MGAT5: variants seen among roughly 807,000 people sequenced by gnomAD.
The protein encoded by MGAT5 is alpha-1,6-mannosylglycoprotein 6-beta-N-acetylglucosaminyltransferase, also known as alpha-1,6-mannosylglycoprotein 6-beta-N-acetylglucosaminyltransferase A.
A neutral mutation model predicts 94.3 loss-of-function variants in MGAT5; 30 were observed. The ratio of observed to expected loss-of-function variants is 0.32; its 90% CI spans 0.24 to 0.43. MGAT5 has a LOEUF of 0.43. Ranked by LOEUF, MGAT5 falls within the 20% of genes least tolerant of loss-of-function variation. The pLI, the probability that MGAT5 is intolerant of heterozygous loss-of-function variation, is 1.00. For synonymous variants in MGAT5, 310 were observed against 322.9 expected (o/e 0.96, Z 0.43); for missense variants, 691 against 905.5 (o/e 0.76, Z 3.04).
intron 1 of MGAT5, among the ~76,000 whole-genome samples, chr2:134,222,900 G>C (rs1680861932): frequency 6.6e-6 from 1 of 152,046 alleles, no homozygotes; most frequent in Non-Finnish European, 1.5e-5. Flanking sequence ...ACTTTTTTGT[G>C]TTAAGCTACT....
intron 1 of MGAT5, among the ~76,000 whole-genome samples, chr2:134,219,998 T>C (rs540065985): frequency 2.0e-5 from 3 of 152,302 alleles, no homozygotes; most frequent in Admixed American, 1.3e-4. Context: ...GCATAAATAC[T>C]AATATTAGCA....
intron 1 of MGAT5, among the ~76,000 whole-genome samples, chr2:134,170,937 T>C (rs142499076): frequency 3.0e-4 from 46 of 152,066 alleles, no homozygotes; most frequent in African/African-American, 1.1e-3. Flanking sequence ...CGGCTCACTG[T>C]AACCTCTGCC....
At chr2:134,294,209 T>G (rs2105789088) in intron 2 of MGAT5, among the ~76,000 whole-genome samples, 1 of 152,336 alleles carries the variant, frequency 6.6e-6, no homozygotes, top group South Asian at 2.1e-4. Context: ...GCATCCATTG[T>G]TCTCTGCGGT....
intron 10 of MGAT5, among the ~76,000 whole-genome samples, chr2:134,402,476 T>C (rs62170198): frequency 0.47 from 71,504 of 152,018 alleles, 17,876 homozygotes; most frequent in South Asian, 0.72. Flanking sequence ...TCTGACAACA[T>C]GAGTTAATCA....
intron 9 of MGAT5, among the ~76,000 whole-genome samples, chr2:134,351,520 T>G (rs1225377559): frequency 6.6e-6 from 1 of 152,142 alleles, no homozygotes; most frequent in South Asian, 2.1e-4. Flanking sequence ...TTTTAGAATA[T>G]TGGAATTCAG....
chr2:134,170,664 A>C (rs1448557127), intron 1 of MGAT5, among the ~76,000 whole-genome samples: 1 of 152,134 alleles, frequency 6.6e-6, no homozygotes, highest in African/African-American at 2.4e-5. Context: ...TTGAAGGTGG[A>C]TCTGTCCCTC....
rs185766378 is a variant in MGAT5, at chr2:134,155,176, C to T, written c.-143+34885C>T. Among the ~76,000 whole-genome samples the T allele has an allele frequency of 2.4e-3, 360 of 152,344 alleles. 2 individuals are homozygous for T. Among genetic ancestry groups the T allele is most frequent in the African/African-American group, 8.4e-3 (351 of 41,582 alleles). On this transcript the variant is annotated intron_variant, in intron 1 of 16. Transcript: ENST00000409645. The stretch of plus-strand genomic sequence containing the variant: ...CTAGGAGAGTGCTCTCTTTCCCCAC[C>T]GCCCAGAATTCCTGTGTCTTGGACA...
chr2:134,154,013 C>T (rs554661454), intron 1 of MGAT5, among the ~76,000 whole-genome samples: 1 of 151,784 alleles, frequency 6.6e-6, no homozygotes, highest in African/African-American at 2.4e-5. Flanking sequence ...TTTTTTTATC[C>T]TATGGAAAAA....
intron 1 of MGAT5, among the ~76,000 whole-genome samples, chr2:134,213,972 G>T (rs1680336181): frequency 6.6e-6 from 1 of 152,072 alleles, no homozygotes; most frequent in Non-Finnish European, 1.5e-5. Context: ...TTAGGGGTGG[G>T]ACTGAAAGTT....
chr2:134,144,259 A>G (rs903296637), intron 1 of MGAT5, among the ~76,000 whole-genome samples: 1 of 152,170 alleles, frequency 6.6e-6, no homozygotes, highest in Admixed American at 6.5e-5. Flanking sequence ...GATGCTGGCC[A>G]TCTGCTCGGC....
intron 11 of MGAT5, among the ~76,000 whole-genome samples, chr2:134,408,022 T>C (rs182224403): frequency 1.8e-4 from 28 of 152,340 alleles, no homozygotes; most frequent in African/African-American, 6.3e-4. Flanking sequence ...GCCCTTTCTG[T>C]GTATTCTCTC....
rs550510097 is a variant in MGAT5 at position 134,159,491 on chromosome 2, A to G, written c.-143+39200A>G. On this transcript the variant is annotated intron_variant, in intron 1 of 16. Transcript: ENST00000409645. ...ACAAGTGAACAGCAAACATCTGTCGAGGAGTTTTTACAGGGTATTTGTACT... is the reference window on the plus strand; with the variant it reads ...ACAAGTGAACAGCAAACATCTGTCGGGGAGTTTTTACAGGGTATTTGTACT... Among the ~76,000 whole-genome samples, 56 of 152,302 alleles carry G rather than the reference A, an allele frequency of 3.7e-4. No individual in the cohort carries two copies. The South Asian group carries it at 0.01, about 28-fold the overall frequency.
chr2:134,273,028 C>T (rs780585924), intron 2 of MGAT5, among the ~76,000 whole-genome samples: 14 of 123,612 alleles, frequency 1.1e-4, no homozygotes, highest in East Asian at 3.5e-4. Flanking sequence ...TGTGCGCGCG[C>T]GCGTGCGCGT....
intron 2 of MGAT5, among the ~76,000 whole-genome samples, chr2:134,286,774 A>C (rs1234646027): frequency 2.6e-5 from 4 of 152,150 alleles, no homozygotes; most frequent in Non-Finnish European, 5.9e-5. Context: ...TGAATGATAC[A>C]TTCGTTGCAT....
chr2:134,363,318 G>A (rs946324789), intron 10 of MGAT5, among the ~76,000 whole-genome samples: 1 of 152,090 alleles, frequency 6.6e-6, no homozygotes, highest in African/African-American at 2.4e-5. Context: ...GAATTCCTTG[G>A]TACTGCTTTT....
At position 134,310,729 on chromosome 2, in the gene MGAT5, G is replaced by A. The variant is rs145824120; in HGVS notation, c.407-6800G>A. ...ACTTTTTTTATGGTGCAAAAGTAAAGCATTCCTAAATGAATATTTGCCAAG... is the reference window on the plus strand; with the variant it reads ...ACTTTTTTTATGGTGCAAAAGTAAAACATTCCTAAATGAATATTTGCCAAG... On this transcript the variant is annotated intron_variant, in intron 2 of 15. Coordinates refer to ENST00000281923, the MANE Select transcript of MGAT5 (RefSeq NM_002410.5). 9.9e-5 allele frequency among the ~76,000 whole-genome samples: 15 copies of A among 152,270 alleles called. No individual in the cohort carries two copies. The East Asian group carries it at 2.9e-3, about 29-fold the overall frequency.
intron 9 of MGAT5, 105 bp downstream of exon 9, chr2:134,350,043 T>G (rs1679271285): frequency 2.4e-6 from 3 of 1,257,328 alleles, no homozygotes; most frequent in Non-Finnish European, 3.4e-6. Context: ...CCATTAGCTG[T>G]AGAAGTGTGT....
chr2:134,225,446 G>A (rs1681012876), intron 1 of MGAT5, among the ~76,000 whole-genome samples: 1 of 152,204 alleles, frequency 6.6e-6, no homozygotes, highest in Non-Finnish European at 1.5e-5. Context: ...ACATCTTAGA[G>A]GGATTGTGTT....
chr2:134,440,405 A>G (rs1275680941), intron 14 of MGAT5, among the ~76,000 whole-genome samples: 11 of 143,924 alleles, frequency 7.6e-5, no homozygotes, highest in Admixed American at 5.8e-4. Flanking sequence ...GGTTTTCTCC[A>G]GGGTCTCTGG....
Sources: gnomAD v4.1 joint callset for allele counts (sites outside exome capture counted in the v4.1 genomes callset) on GRCh38, gnomAD v4.1.1 for gene constraint, MANE v1.5 for transcripts, NCBI Gene and HGNC (gene_info 2026-07-23, HGNC 2026-07-21) for gene names.